The following ANK2 variants were observed in gnomAD, a reference collection of about 807,000 sequenced individuals.
The protein encoded by ANK2 is ankyrin-2.
ANK2 carries 83 observed loss-of-function variants against 360.5 expected under a neutral mutation model. The ratio of observed to expected loss-of-function variants is 0.23; its 90% confidence interval spans 0.19 to 0.28. The LOEUF is 0.28. ANK2 is among the 10% of genes least tolerant of loss of function. The probability of loss-of-function intolerance (pLI) is 1.00; values close to 1 mark genes in which losing one functional copy is unlikely to be tolerated. For synonymous variants in ANK2, 1,740 were observed against 1,759.5 expected, an observed-to-expected ratio of 0.99 and a Z score of 0.28; for missense variants, 4,201 against 4,795.7, an observed-to-expected ratio of 0.88 and a Z score of 3.66.
At chr4:112,913,649 T>C (rs1213005483) in intron 2 of ANK2, among the ~76,000 whole-genome samples, 1 of 152,198 alleles carries the variant, frequency 6.6e-6, no homozygotes, top group Non-Finnish European at 1.5e-5. Context: ...TCTCTTTCCC[T>C]CATTTGTACA....
At chr4:113,097,303 T>C (rs957750797) in intron 1 of ANK2, among the ~76,000 whole-genome samples, 26 of 151,914 alleles carry the variant, frequency 1.7e-4, no homozygotes, top group Admixed American at 1.7e-3. Context: ...GTGCTAGAGT[T>C]AAGTTAATAG....
rs549837400 is a variant in ANK2, at chr4:113,184,737, C to G, written c.186+10220C>G. The stretch of plus-strand genomic sequence containing the variant: ...TATTATTATTATTATACTTTAAGTT[C>G]TGTGATACATGTGCAGAACGTGCAG... On this transcript the variant is annotated intron_variant, in intron 2 of 45. Coordinates refer to ENST00000357077, the MANE Select transcript of ANK2 (RefSeq NM_001148.6). 2.6e-5 allele frequency among the ~76,000 whole-genome samples: 4 copies of G among 151,960 alleles called. No homozygotes were observed. The South Asian group carries it at 8.3e-4, about 32-fold the overall frequency.
chr4:112,721,207 T>A, the ANK2 span, among the ~76,000 whole-genome samples: 2 of 152,120 alleles, frequency 1.3e-5, no homozygotes, highest in African/African-American at 2.4e-5. Context: ...GTGATGAAGA[T>A]AATGGAGGCT....
intron 1 of ANK2, among the ~76,000 whole-genome samples, chr4:113,126,247 T>C (rs1478053762): frequency 6.6e-6 from 1 of 152,322 alleles, no homozygotes; most frequent in East Asian, 1.9e-4. Flanking sequence ...ATGGCAGTAA[T>C]GATAGCTGCC....
chr4:113,110,212 T>G (rs1030053512), intron 1 of ANK2, among the ~76,000 whole-genome samples: 2 of 151,856 alleles, frequency 1.3e-5, no homozygotes, highest in Non-Finnish European at 2.9e-5. Flanking sequence ...GGCAAGAGAG[T>G]GTGTGCAGGG....
intron 2 of ANK2, among the ~76,000 whole-genome samples, chr4:113,006,429 C>G (rs567118281): frequency 1.1e-4 from 16 of 152,274 alleles, no homozygotes; most frequent in Admixed American, 1.0e-3. Flanking sequence ...AAAGGAGGTA[C>G]AACTTCACTC....
chr4:113,035,030 T>A (rs953939885), intron 2 of ANK2, among the ~76,000 whole-genome samples: 1 of 151,936 alleles, frequency 6.6e-6, no homozygotes. Context: ...TGGCTTGACA[T>A]CTACCTTCCA....
chr4:113,117,427 A>G (rs1331843233), intron 1 of ANK2: 1 of 456,084 alleles, frequency 2.2e-6, no homozygotes, highest in East Asian at 6.9e-5. Flanking sequence ...AGGTATGAGG[A>G]GCATCCTTTT....
At chr4:113,362,920 A>G (rs1259640512) in intron 39 of ANK2, among the ~76,000 whole-genome samples, 1 of 152,210 alleles carries the variant, frequency 6.6e-6, no homozygotes, top group African/African-American at 2.4e-5. Flanking sequence ...GTATCCAGAA[A>G]CAGGATTTAT....
At chr4:112,932,423 T>A (rs1025365921) in intron 2 of ANK2, among the ~76,000 whole-genome samples, 2 of 137,376 alleles carry the variant, frequency 1.5e-5, no homozygotes, top group Non-Finnish European at 3.0e-5. Context: ...ACCCGGGAGG[T>A]GGAGCTTGCA....
At chr4:112,708,371 A>G in the ANK2 span, among the ~76,000 whole-genome samples, 1 of 152,246 alleles carries the variant, frequency 6.6e-6, no homozygotes, top group Admixed American at 6.5e-5. Flanking sequence ...AGAAAAGCAC[A>G]GAAGTCCAAA....
chr4:112,759,155 A>G, the ANK2 span, among the ~76,000 whole-genome samples: 1 of 152,028 alleles, frequency 6.6e-6, no homozygotes, highest in Admixed American at 6.6e-5. Flanking sequence ...TTTTTTTAAG[A>G]GACAGGGTCT....
At chr4:112,779,998 G>A in the ANK2 span, among the ~76,000 whole-genome samples, 8 of 152,032 alleles carry the variant, frequency 5.3e-5, no homozygotes, top group Admixed American at 2.6e-4. Flanking sequence ...CGAGGTGGGC[G>A]GATCATCTGA....
intron 2 of ANK2, among the ~76,000 whole-genome samples, chr4:112,924,369 G>GA (rs1246498426): frequency 0.01 from 1,260 of 120,074 alleles, 10 homozygotes; most frequent in African/African-American, 0.033. Flanking sequence ...CTTCATCTCA[G>GA]AAAAAAAAAA....
the ANK2 span, among the ~76,000 whole-genome samples, chr4:112,774,645 G>C: frequency 6.6e-6 from 1 of 152,218 alleles, no homozygotes; most frequent in Non-Finnish European, 1.5e-5. Context: ...CAATTCATGA[G>C]TTCTGGTGGG....
chr4:113,179,993 C>T (rs1447217507), intron 2 of ANK2, among the ~76,000 whole-genome samples: 1 of 152,228 alleles, frequency 6.6e-6, no homozygotes, highest in African/African-American at 2.4e-5. Flanking sequence ...TGGCCTTGGC[C>T]TTTTACCATT....
Position 113,042,120 on chromosome 4 carries a change from G to A in ANK2, c.22-132296G>A, listed in dbSNP as rs76468734. On this transcript the variant is annotated intron_variant, in intron 2 of 30. Coordinates refer to the ANK2 transcript ENST00000503271. ...GATTCACCCTCACCGATGTGGGCTA[G>A]CACCATCTACTCCATTGAAGGCGCA... Among the ~76,000 whole-genome samples the A allele has an allele frequency of 5.5e-3, 840 of 152,294 alleles. 8 individuals carry two copies. The highest frequency in any genetic ancestry group is 0.019 in the African/African-American group (798 of 41,558).
chr4:113,352,098 G>A (rs1340657438), intron 37 of ANK2, among the ~76,000 whole-genome samples: 1 of 152,032 alleles, frequency 6.6e-6, no homozygotes, highest in Non-Finnish European at 1.5e-5. Context: ...CTAAATTCCC[G>A]CCATCCTCCT....
At chr4:113,181,660 A>G (rs1362724616) in intron 2 of ANK2, among the ~76,000 whole-genome samples, 1 of 152,166 alleles carries the variant, frequency 6.6e-6, no homozygotes, top group Non-Finnish European at 1.5e-5. Context: ...GATGGACAGA[A>G]GAAAACCTAA....
Sources: gnomAD v4.1 joint callset for allele counts (sites outside exome capture counted in the v4.1 genomes callset) on GRCh38, gnomAD v4.1.1 for gene constraint, MANE v1.5 for transcripts, NCBI Gene and HGNC (gene_info 2026-07-23, HGNC 2026-07-21) for gene names.